Variants in XKR6 observed in about 807,000 individuals in gnomAD.
XKR6 encodes the protein XK-related protein 6.
Under a neutral mutation model 56.7 loss-of-function variants are expected in XKR6, and 22 were observed. The observed-to-expected ratio is 0.39, with a 90% CI of 0.28 to 0.55. The LOEUF (loss-of-function observed/expected upper bound fraction) is 0.55. Ranked by LOEUF, XKR6 falls within the 20% of genes least tolerant of loss-of-function variation. The probability of loss-of-function intolerance (pLI) is 0.66; values close to 1 mark genes in which losing one functional copy is unlikely to be tolerated. For missense variants in XKR6, 852 were observed against 889.0 expected, an observed-to-expected ratio of 0.96 and a Z score of 0.53; for synonymous variants, 524 against 387.8, an observed-to-expected ratio of 1.35 and a Z score of -4.13.
intron 2 of XKR6, among the ~76,000 whole-genome samples, chr8:10,922,563 T>C (rs1228058173): frequency 6.6e-6 from 1 of 152,248 alleles, no homozygotes; most frequent in African/African-American, 2.4e-5. Flanking sequence ...GTGAGTCTCC[T>C]GGCACTGAGA....
chr8:10,986,724 G>A (rs1489951857), intron 1 of XKR6, among the ~76,000 whole-genome samples: 1 of 151,744 alleles, frequency 6.6e-6, no homozygotes, highest in East Asian at 1.9e-4. Flanking sequence ...ATTCAACTTC[G>A]GTTTCCTTAT....
chr8:11,007,923 G>C (rs73539395), intron 1 of XKR6, among the ~76,000 whole-genome samples: 4 of 151,600 alleles, frequency 2.6e-5, no homozygotes, highest in African/African-American at 9.8e-5. Flanking sequence ...GGCAGGGGCA[G>C]AGTGGGGGGA....
At chr8:11,193,427 C>T (rs1206844014) in intron 1 of XKR6, among the ~76,000 whole-genome samples, 1 of 152,068 alleles carries the variant, frequency 6.6e-6, no homozygotes, top group Non-Finnish European at 1.5e-5. Flanking sequence ...AAGATCTACC[C>T]ACATTAGAAA....
intron 1 of XKR6, among the ~76,000 whole-genome samples, chr8:11,055,240 G>C (rs1234757872): frequency 6.6e-6 from 1 of 152,098 alleles, no homozygotes; most frequent in Non-Finnish European, 1.5e-5. Flanking sequence ...GCAGCGTGGG[G>C]TGGATGAAAG....
intron 1 of XKR6, chr8:11,126,041 T>A (rs141507513): frequency 6.7e-6 from 1 of 149,572 alleles, no homozygotes; most frequent in African/African-American, 2.5e-5. Context: ...ACTTTGGCAG[T>A]TTTTTTTTGG....
At chr8:11,115,332 G>A (rs1486721848) in intron 1 of XKR6, among the ~76,000 whole-genome samples, 1 of 152,172 alleles carries the variant, frequency 6.6e-6, no homozygotes, top group East Asian at 1.9e-4. Context: ...TATTTTGAAA[G>A]GTTAAATCTG....
intron 1 of XKR6, among the ~76,000 whole-genome samples, chr8:11,001,097 G>C (rs1262703377): frequency 1.3e-5 from 2 of 152,200 alleles, no homozygotes; most frequent in Non-Finnish European, 2.9e-5. Context: ...GGATGACTTT[G>C]CACATGGGGA....
At chr8:11,052,832 C>T (rs564869964) in intron 1 of XKR6, among the ~76,000 whole-genome samples, 4 of 152,050 alleles carry the variant, frequency 2.6e-5, no homozygotes, top group African/African-American at 4.8e-5. Flanking sequence ...TGCTGCCCGC[C>T]GTCCTCCCAC....
At chr8:11,117,006 T>G (rs990156227) in intron 1 of XKR6, among the ~76,000 whole-genome samples, 3 of 152,236 alleles carry the variant, frequency 2.0e-5, no homozygotes, top group Non-Finnish European at 2.9e-5. Context: ...ACCACTTCAG[T>G]AATATTACAC....
Position 11,169,782 on chromosome 8 carries a change from C to G in XKR6, c.764+30794G>C, listed in dbSNP as rs961198745. ...ACACTTTAAAATGATTAAACTGTTT[C>G]TTTGCCTTTTGGCTAAGATCAAGTG... On this transcript the variant is annotated intron_variant, in intron 1 of 2. Coordinates refer to ENST00000416569, the MANE Select transcript of XKR6 (RefSeq NM_173683.4). Among the ~76,000 whole-genome samples, 7 of 152,270 alleles carry G rather than the reference C, an allele frequency of 4.6e-5. No individual in the cohort carries two copies. In the South Asian group the frequency reaches 1.5e-3, roughly 32 times the overall value.
intron 1 of XKR6, among the ~76,000 whole-genome samples, chr8:10,947,448 G>T (rs1801586533): frequency 6.6e-6 from 1 of 152,102 alleles, no homozygotes; most frequent in Non-Finnish European, 1.5e-5. Context: ...GGCATGGTTG[G>T]GGTCACCCTG....
chr8:11,030,063 T>C (rs1798956870), intron 1 of XKR6, among the ~76,000 whole-genome samples: 2 of 152,124 alleles, frequency 1.3e-5, no homozygotes, highest in Non-Finnish European at 2.9e-5. Context: ...TAAAGTGCAC[T>C]CTGTTCTAGT....
At chr8:11,055,986 C>T (rs913805339) in intron 1 of XKR6, among the ~76,000 whole-genome samples, 4 of 152,190 alleles carry the variant, frequency 2.6e-5, no homozygotes, top group Admixed American at 2.6e-4. Flanking sequence ...GCCCCCTCCC[C>T]CTGCTTCCGG....
intron 1 of XKR6, among the ~76,000 whole-genome samples, chr8:11,058,651 C>T (rs1388981965): frequency 6.6e-6 from 1 of 152,102 alleles, no homozygotes; most frequent in Non-Finnish European, 1.5e-5. Flanking sequence ...AACAGATGGA[C>T]ACCGGGAGGG....
intron 1 of XKR6, among the ~76,000 whole-genome samples, chr8:11,007,154 G>A (rs938686813): frequency 9.2e-5 from 14 of 152,146 alleles, no homozygotes; most frequent in African/African-American, 3.4e-4. Context: ...GCTTGGAGCT[G>A]TGGCAGCCAA....
intron 1 of XKR6, among the ~76,000 whole-genome samples, chr8:11,084,285 C>T (rs1178304703): frequency 6.6e-6 from 1 of 152,250 alleles, no homozygotes; most frequent in Non-Finnish European, 1.5e-5. Flanking sequence ...TCTGCGTACA[C>T]TGCTCCCGGT....
At chr8:11,090,443 A>G (rs1374653884) in intron 1 of XKR6, among the ~76,000 whole-genome samples, 1 of 151,912 alleles carries the variant, frequency 6.6e-6, no homozygotes, top group Non-Finnish European at 1.5e-5. Flanking sequence ...TTTTGCCACT[A>G]AAAGCAATGT....
chr8:10,898,092 C>T lies in XKR6; in HGVS notation c.1786G>A (p.Ala596Thr). ...KIDMPRKRYP[A>T]WDAHFVDRRL... ...CTGTCTACAAAATGAGCATCCCAAG[C>T]TGGGTATCGCTTTCTTGGCATGTCA... The change falls in exon 3 of 3, where the codon GCT (alanine) becomes ACT (threonine). Residue 596 changes from alanine (A) to threonine (T), a missense_variant. This residue lies in a region of XKR6 where 39 missense variants were observed against 62.5 expected (regional missense o/e 0.62). Coordinates refer to ENST00000416569, the MANE Select transcript of XKR6 (RefSeq NM_173683.4). The surrounding 1 kb of genome is among the most constrained non-coding windows in gnomAD (Gnocchi z 6.6). 1 of 1,614,122 alleles carries T rather than the reference C, an allele frequency of 6.2e-7. No homozygotes were observed. The highest frequency in any genetic ancestry group is 8.5e-7 in the Non-Finnish European group (1 of 1,180,016).
chr8:11,003,029 C>G (rs1218324102), intron 1 of XKR6, among the ~76,000 whole-genome samples: 1 of 152,070 alleles, frequency 6.6e-6, no homozygotes, highest in Non-Finnish European at 1.5e-5. Context: ...TCTAACAATT[C>G]CAAGTCAGGG....
Sources: gnomAD v4.1 joint callset for allele counts (sites outside exome capture counted in the v4.1 genomes callset) on GRCh38, gnomAD v4.1.1 for gene constraint, gnomAD v4.1.1 regional missense constraint, Gnocchi (gnomAD v3.1) non-coding constraint, MANE v1.5 for transcripts, NCBI Gene and HGNC (gene_info 2026-07-23, HGNC 2026-07-21) for gene names.